TMBIM1: variants seen among roughly 807,000 people sequenced by gnomAD.
The protein encoded by TMBIM1 is transmembrane BAX inhibitor motif containing 1.
Under a neutral mutation model 45.1 loss-of-function variants are expected in TMBIM1, and 34 were observed. The ratio of observed to expected loss-of-function variants is 0.75; its 90% CI spans 0.57 to 1.00. The LOEUF (loss-of-function observed/expected upper bound fraction) is 1.00, where lower values mean the gene tolerates loss of function less well. TMBIM1 is among the 50% of genes least tolerant of loss of function. The pLI is 0.00. For missense variants in TMBIM1, 374 were observed against 402.4 expected, an observed-to-expected ratio of 0.93 and a Z score of 0.60; for synonymous variants, 157 against 153.5, an observed-to-expected ratio of 1.02 and a Z score of -0.17.
chr2:218,285,823 G>A (rs111858946), intron 1 of TMBIM1: 6 of 152,936 alleles, frequency 3.9e-5, no homozygotes, highest in African/African-American at 1.4e-4. Flanking sequence ...CAGGGCTGCC[G>A]GGTTTGGCAG....
At chr2:218,278,261 C>T (rs565067717) in intron 6 of TMBIM1, 25 of 604,090 alleles carry the variant, frequency 4.1e-5, no homozygotes, top group Non-Finnish European at 7.0e-5. Context: ...CTTTGAGCCT[C>T]GGGTTCTTCC....
intron 1 of TMBIM1, among the ~76,000 whole-genome samples, chr2:218,289,496 G>A (rs888612881): frequency 1.3e-5 from 2 of 151,952 alleles, no homozygotes; most frequent in African/African-American, 4.8e-5. Flanking sequence ...ACAAAAATTA[G>A]CCGGGCATGG....
At chr2:218,281,911 C>A (rs777285772) in intron 2 of TMBIM1, 29 bp downstream of exon 2, 6 of 1,550,926 alleles carry the variant, frequency 3.9e-6, no homozygotes, top group Non-Finnish European at 5.2e-6. Context: ...CCCTCCCACC[C>A]ACCTTCCATC....
intron 1 of TMBIM1, among the ~76,000 whole-genome samples, chr2:218,288,203 C>T (rs1448982670): frequency 2.6e-5 from 4 of 151,584 alleles, no homozygotes; most frequent in South Asian, 2.1e-4. Context: ...CCAAGGCGGG[C>T]GGATCACGAG....
chr2:218,277,850 C>T, intron 7 of TMBIM1, 85 bp downstream of exon 7: 1 of 1,590,088 alleles, frequency 6.3e-7, no homozygotes, highest in East Asian at 2.2e-5. Context: ...CCAGGACATC[C>T]TTCTGAAATG....
At chr2:218,279,398 G>T (rs1574636076) in intron 3 of TMBIM1, 45 bp from the exon 4 acceptor site, 12 of 1,501,138 alleles carry the variant, frequency 8.0e-6, no homozygotes, top group Non-Finnish European at 1.1e-5. Context: ...GGCACCCCTG[G>T]CCTGCCCCAG....
chr2:218,275,975 T>C (rs752741794), intron 11 of TMBIM1, 51 bp downstream of exon 11: 2 of 1,579,956 alleles, frequency 1.3e-6, no homozygotes, highest in Non-Finnish European at 1.7e-6. Flanking sequence ...TTCCCTAGAT[T>C]CCTCCCCTCA....
intron 1 of TMBIM1, among the ~76,000 whole-genome samples, chr2:218,291,171 A>T (rs548612322): frequency 6.6e-6 from 1 of 152,236 alleles, no homozygotes; most frequent in Admixed American, 6.5e-5. Flanking sequence ...ATAACCCATC[A>T]TTACCTCTCT....
rs140036893 is a variant in TMBIM1 at position 218,280,251 on chromosome 2, T to G, written c.203-125A>C. On this transcript the variant is annotated intron_variant, in intron 2 of 11. Transcript: ENST00000258412. Reference sequence around the variant, plus strand: ...AAAAGACAAGTGTTATAACAGGAACTCTTCTCCCAAGCTGGGGTCTTCTAG... The same window carrying G: ...AAAAGACAAGTGTTATAACAGGAACGCTTCTCCCAAGCTGGGGTCTTCTAG... The G allele has an allele frequency of 1.5e-3, 1,053 of 716,368 alleles. 5 individuals are homozygous for G. Among genetic ancestry groups the G allele is most frequent in the South Asian group, 2.9e-3 (175 of 59,792 alleles). 44.4% of individuals were successfully genotyped at this position (716,368 alleles called of 1,614,324 possible).
intron 1 of TMBIM1, among the ~76,000 whole-genome samples, chr2:218,288,081 G>A (rs1465512660): frequency 6.6e-6 from 1 of 152,162 alleles, no homozygotes; most frequent in East Asian, 1.9e-4. Context: ...TGAACTTCAA[G>A]ATTAGGAGGG....
chr2:218,287,492 G>A (rs963862082), intron 1 of TMBIM1, among the ~76,000 whole-genome samples: 4 of 152,074 alleles, frequency 2.6e-5, no homozygotes, highest in African/African-American at 7.3e-5. Context: ...GGTGGATCAC[G>A]AGGTCAGGAG....
intron 10 of TMBIM1, 122 bp from the exon 11 acceptor site, chr2:218,276,201 GA>G: frequency 1.9e-6 from 2 of 1,028,052 alleles, no homozygotes; most frequent in Non-Finnish European, 2.9e-6. Flanking sequence ...AGCTCTCCAT[GA>G]AAGGCTACTG....
Position 218,282,073 on chromosome 2 carries a change from AG to A in TMBIM1, c.68del (p.Pro23LeufsTer43). 6.4e-7 allele frequency: 1 copy of A among 1,555,070 alleles called. No homozygotes were observed. Among genetic ancestry groups the A allele is most frequent in the Non-Finnish European group, 8.7e-7 (1 of 1,149,730 alleles). On this transcript the variant is annotated frameshift_variant, in exon 2 of 12. Coordinates refer to ENST00000258412, the MANE Select transcript of TMBIM1 (RefSeq NM_022152.6). LOFTEE classifies it high-confidence loss of function. Reference protein sequence around the residue: ...RNPLYPGPPPPGGYGQPSVLP... With the variant: ...RNPLYPGPPPXGGYGQPSVLP... ...GGACAGATGGCTGCCCATAGCCCCCAGGGGGCGGAGGGCCTGGGTACAGGGG... is the reference window on the plus strand; with the variant it reads ...GGACAGATGGCTGCCCATAGCCCCCAGGGGCGGAGGGCCTGGGTACAGGGG...
chr2:218,280,223 G>C (rs1301521083), intron 2 of TMBIM1, 97 bp from the exon 3 acceptor site: 1 of 891,388 alleles, frequency 1.1e-6, no homozygotes, highest in Non-Finnish European at 1.9e-6. Context: ...GGGATCTCCA[G>C]CCAAAAGACA....
rs150838615 is a variant in TMBIM1 at position 218,277,935 on chromosome 2, A to G, written c.513T>C (p.Phe171=). Reference sequence around the variant, plus strand: ...CCTCCTGCCACCCTTCTAGACTTACAAAAAGGGTCAGCAGAATGATGTTCC... The same window carrying G: ...CCTCCTGCCACCCTTCTAGACTTACGAAAAGGGTCAGCAGAATGATGTTCC... ...FPWNIILLTL[F]TFAMGFMTGT... Residue 171 remains phenylalanine (F), a splice_region_variant and synonymous_variant, in exon 7 of 12, where the codon TTT becomes TTC. Transcript: ENST00000258412. 1.8e-4 allele frequency: 295 copies of G among 1,614,182 alleles called. No homozygotes were observed. In the African/African-American group the frequency reaches 3.4e-3, roughly 18 times the overall value.
intron 1 of TMBIM1, 114 bp from the exon 2 acceptor site, chr2:218,282,295 T>C: frequency 3.3e-6 from 2 of 603,804 alleles, no homozygotes; most frequent in Non-Finnish European, 5.4e-6. Context: ...ACACCACCTA[T>C]TTTCTCCTTA....
At position 218,277,111 on chromosome 2, in the gene TMBIM1, CAAG is replaced by C; in HGVS notation, c.640-15_640-13del. 6.2e-7 allele frequency: 1 copy of C among 1,612,416 alleles called. No individual in the cohort carries two copies. Among genetic ancestry groups the C allele is most frequent in the Non-Finnish European group, 8.5e-7 (1 of 1,178,606 alleles). On this transcript the variant is annotated splice_polypyrimidine_tract_variant and intron_variant, in intron 9 of 11. Coordinates refer to ENST00000258412, the MANE Select transcript of TMBIM1 (RefSeq NM_022152.6). ...GAGGTGAAGTCCACCTGCCAGGAAG[CAAG>C]AAAGAGGCACCTGTCAGATGGCTGT...
chr2:218,281,381 C>T (rs1042120080), intron 2 of TMBIM1, among the ~76,000 whole-genome samples: 2 of 152,210 alleles, frequency 1.3e-5, no homozygotes, highest in African/African-American at 4.8e-5. Flanking sequence ...AGGTGATCTG[C>T]TCGCCTCAGC....
rs539236010 is a variant in TMBIM1 at position 218,274,844 on chromosome 2, C to A, written c.*631G>T. ...GCTGGCCTGTATAGGTTACTTTGCT[C>A]GTTCTGTTATCTGTCCCCCATCCCT... On this transcript the variant is annotated 3_prime_UTR_variant, in exon 12 of 12. Coordinates refer to ENST00000258412, the MANE Select transcript of TMBIM1 (RefSeq NM_022152.6). 2.0e-5 allele frequency: 3 copies of A among 153,382 alleles called. No homozygotes were observed. The highest frequency in any genetic ancestry group is 1.9e-4 in the East Asian group (1 of 5,340). The allele number at this position is 153,382 out of a possible 1,614,324, so 9.5% of individuals were successfully genotyped here.
Sources: gnomAD v4.1 joint callset for allele counts (sites outside exome capture counted in the v4.1 genomes callset) on GRCh38, gnomAD v4.1.1 for gene constraint, MANE v1.5 for transcripts, NCBI Gene and HGNC (gene_info 2026-07-23, HGNC 2026-07-21) for gene names.